TCEA3: variants seen among roughly 807,000 people sequenced by gnomAD.
TCEA3 encodes transcription elongation factor A3, also known as transcription elongation factor A protein 3.
In TCEA3, 36 loss-of-function variants were observed where a neutral mutation model predicts 44.0. The observed-to-expected ratio is 0.82, with a 90% CI of 0.63 to 1.08. The LOEUF (loss-of-function observed/expected upper bound fraction) is 1.08, where lower values mean the gene tolerates loss of function less well. Among genes scored for constraint, TCEA3 ranks in the 50% least tolerant of loss-of-function variants. The pLI is 0.00. For synonymous variants in TCEA3, 162 were observed against 159.7 expected (o/e 1.01, Z -0.11); for missense variants, 392 against 441.2 (o/e 0.89, Z 1.00).
At chr1:23,420,963 C>T (rs761394388) in intron 1 of TCEA3, among the ~76,000 whole-genome samples, 4 of 152,092 alleles carry the variant, frequency 2.6e-5, no homozygotes, top group African/African-American at 4.8e-5. Flanking sequence ...TATCCTTGGC[C>T]CACAGTTCAT....
Position 23,417,921 on chromosome 1 carries a change from T to G in TCEA3, c.221A>C (p.Asn74Thr), listed in dbSNP as rs1238316158. The G allele has an allele frequency of 7.4e-6, 12 of 1,613,886 alleles. No homozygotes were observed. The highest frequency in any genetic ancestry group is 1.0e-5 in the Non-Finnish European group (12 of 1,179,884). The change falls in exon 3 of 11, where the codon AAC becomes ACC. Residue 74 changes from asparagine (N) to threonine (T), a missense_variant. Asn to Thr is a moderately conservative substitution (Grantham distance 65). Transcript: ENST00000450454. ...VVSLAKVLIK[N>T]WKRLLDSPGP... Reference sequence around the variant, plus strand: ...TCTCTCACCTAGCAGCCGCTTCCAGTTTTTGATAAGGACTTTGGCCAAGGA... The same window carrying G: ...TCTCTCACCTAGCAGCCGCTTCCAGGTTTTGATAAGGACTTTGGCCAAGGA...
chr1:23,405,076 G>A (rs1352702615), intron 5 of TCEA3, among the ~76,000 whole-genome samples: 2 of 152,142 alleles, frequency 1.3e-5, no homozygotes, highest in African/African-American at 4.8e-5. Context: ...CAGCTGCAGT[G>A]GGGTAGTGGC....
intron 5 of TCEA3, among the ~76,000 whole-genome samples, chr1:23,405,297 C>T (rs527937354): frequency 6.6e-6 from 1 of 152,038 alleles, no homozygotes; most frequent in Non-Finnish European, 1.5e-5. Flanking sequence ...GGGTAGGAGA[C>T]AAATTAATGA....
intron 4 of TCEA3, among the ~76,000 whole-genome samples, chr1:23,412,840 T>C (rs1332686947): frequency 6.6e-6 from 1 of 152,240 alleles, no homozygotes; most frequent in Non-Finnish European, 1.5e-5. Context: ...ATATTTCCCA[T>C]GCTTATTCTA....
chr1:23,382,997 A>AG (rs1638707238), intron 10 of TCEA3, among the ~76,000 whole-genome samples: 1 of 152,212 alleles, frequency 6.6e-6, no homozygotes, highest in African/African-American at 2.4e-5. Flanking sequence ...AAATAATTAG[A>AG]GGCCGGGCGC....
In TCEA3 at chr1:23,417,356, C is replaced by T. The variant is rs757097408; in HGVS notation, c.273G>A (p.Glu91=). 6.2e-7 allele frequency: 1 copy of T among 1,613,906 alleles called. No homozygotes were observed. Among genetic ancestry groups the T allele is most frequent in the Admixed American group, 1.7e-5 (1 of 60,010 alleles). Residue 91 remains glutamate, a synonymous_variant, in exon 4 of 11, where the codon GAG becomes GAA. Coordinates refer to ENST00000450454, the MANE Select transcript of TCEA3 (RefSeq NM_003196.3). The part of the protein sequence containing the change: ...SPGPPKGEKG[E]EREKAKKKEK... ...CCTTCTTCTTTGCCTTTTCTCTTTC[C>T]TCTCCTTTTTCTCCTTTTGGGGGTC...
At chr1:23,410,095 T>C (rs1393119859) in intron 4 of TCEA3, among the ~76,000 whole-genome samples, 1 of 151,986 alleles carries the variant, frequency 6.6e-6, no homozygotes, top group East Asian at 2.0e-4. Flanking sequence ...CACTAATTAA[T>C]GACCCCAGGA....
chr1:23,389,000 T>C (rs145656267), intron 8 of TCEA3, among the ~76,000 whole-genome samples: 1 of 152,266 alleles, frequency 6.6e-6, no homozygotes, highest in East Asian at 1.9e-4. Context: ...GCATTTTCAC[T>C]AGTGTCCTCA....
At chr1:23,387,587 T>A (rs1303482694) in intron 8 of TCEA3, among the ~76,000 whole-genome samples, 168 bp from the exon 9 acceptor site, 1 of 152,166 alleles carries the variant, frequency 6.6e-6, no homozygotes, top group Non-Finnish European at 1.5e-5. Flanking sequence ...GAGAAAGCTG[T>A]CCCCGCAGAG....
chr1:23,399,708 T>C (rs1245577527), intron 5 of TCEA3, among the ~76,000 whole-genome samples: 4 of 150,000 alleles, frequency 2.7e-5, no homozygotes, highest in Non-Finnish European at 5.9e-5. Flanking sequence ...CACTCTGTCA[T>C]CCAGGCTGCC....
At chr1:23,415,664 C>T (rs1480509266) in intron 4 of TCEA3, among the ~76,000 whole-genome samples, 1 of 152,226 alleles carries the variant, frequency 6.6e-6, no homozygotes, top group African/African-American at 2.4e-5. Flanking sequence ...TCACTCCGTG[C>T]TAGGCACTGT....
At chr1:23,408,771 T>G in intron 4 of TCEA3, 45 bp from the exon 5 acceptor site, 1 of 1,537,640 alleles carries the variant, frequency 6.5e-7, no homozygotes, top group Middle Eastern at 1.7e-4. Context: ...TAGACTAGCA[T>G]CAGTACTGAC....
At chr1:23,410,201 G>T (rs1210019131) in intron 4 of TCEA3, among the ~76,000 whole-genome samples, 1 of 151,926 alleles carries the variant, frequency 6.6e-6, no homozygotes, top group East Asian at 2.0e-4. Flanking sequence ...CTTCTGTGGG[G>T]CTTCTCCCTA....
intron 4 of TCEA3, among the ~76,000 whole-genome samples, chr1:23,415,233 G>C (rs181072251): frequency 6.6e-6 from 1 of 151,968 alleles, no homozygotes. Flanking sequence ...ATCTTGGCCA[G>C]GCTGGTCTCG....
chr1:23,384,493 G>C, intron 9 of TCEA3, 76 bp from the exon 10 acceptor site: 1 of 1,497,602 alleles, frequency 6.7e-7, no homozygotes, highest in Non-Finnish European at 9.1e-7. Flanking sequence ...GTCTTTAGGA[G>C]TAGGTCCAAA....
At chr1:23,383,702 T>C in intron 10 of TCEA3, 12 of 985,428 alleles carry the variant, frequency 1.2e-5, no homozygotes, top group Non-Finnish European at 1.4e-5. Flanking sequence ...CAGAGAGCAG[T>C]TGGAAACTGA....
intron 4 of TCEA3, among the ~76,000 whole-genome samples, chr1:23,414,288 C>T (rs1639824758): frequency 6.6e-6 from 1 of 152,106 alleles, no homozygotes; most frequent in Admixed American, 6.5e-5. Flanking sequence ...GATGGGGTTT[C>T]ACCATGTTGG....
chr1:23,400,855 C>T (rs12087685), intron 5 of TCEA3, among the ~76,000 whole-genome samples: 9,474 of 152,258 alleles, frequency 0.062, 996 homozygotes, highest in African/African-American at 0.21. Flanking sequence ...TGTAATTATA[C>T]AGTGCACAGC....
chr1:23,419,282 G>C, intron 1 of TCEA3, 143 bp from the exon 2 acceptor site: 2 of 565,050 alleles, frequency 3.5e-6, no homozygotes, highest in Non-Finnish European at 6.2e-6. Flanking sequence ...GAAGGAGAGA[G>C]ACGAGAAACA....
Sources: allele counts gnomAD v4.1 joint callset (sites outside exome capture counted in the v4.1 genomes callset), GRCh38; gene constraint gnomAD v4.1.1; transcripts MANE v1.5; gene names NCBI Gene and HGNC (gene_info 2026-07-23, HGNC 2026-07-21).